Variants in AKT3 observed in about 807,000 individuals in gnomAD.
AKT3 encodes the protein RAC-gamma serine/threonine-protein kinase.
AKT3 carries 15 observed loss-of-function variants against 65.3 expected under a neutral mutation model. The observed-to-expected ratio is 0.23, with a 90% CI of 0.15 to 0.35. The LOEUF is 0.35. Among genes scored for constraint, AKT3 ranks in the 10% least tolerant of loss-of-function variants. The pLI is 1.00. For missense variants in AKT3, 243 were observed against 576.5 expected (o/e 0.42, Z 5.92); for synonymous variants, 206 against 183.8 (o/e 1.12, Z -0.98).
rs75488462 is a variant in AKT3 at position 243,691,439 on chromosome 1, G to A, written c.172+4152C>T. On this transcript the variant is annotated intron_variant, in intron 3 of 13. Coordinates refer to ENST00000673466, the MANE Select transcript of AKT3 (RefSeq NM_005465.7). The stretch of plus-strand genomic sequence containing the variant: ...TTTTAGAAAGACCACTTTGATACCC[G>A]CGTGAAGAAAGAGTATGAGTGGTAC... 5.3e-3 allele frequency among the ~76,000 whole-genome samples: 804 copies of A among 152,270 alleles called. 9 individuals are homozygous for A. Among genetic ancestry groups the A allele is most frequent in the African/African-American group, 0.018 (736 of 41,546 alleles).
At chr1:243,605,159 T>C (rs569896705) in intron 8 of AKT3, among the ~76,000 whole-genome samples, 1 of 152,134 alleles carries the variant, frequency 6.6e-6, no homozygotes, top group East Asian at 1.9e-4. Flanking sequence ...CTGATTAATT[T>C]ACTAGGACTA....
rs1022694795 is a variant in AKT3, at chr1:243,815,714, G to A, written c.46+27411C>T. ...CCAGGCTCAAGAACTTAGAGATAGC[G>A]ATCCTCCCACCTCAGTCTCCCAAGT... On this transcript the variant is annotated intron_variant, in intron 2 of 13. Coordinates refer to ENST00000673466, the MANE Select transcript of AKT3 (RefSeq NM_005465.7). 2.7e-5 allele frequency among the ~76,000 whole-genome samples: 4 copies of A among 150,390 alleles called. No homozygotes were observed. In the East Asian group the frequency reaches 5.9e-4, roughly 22 times the overall value.
chr1:243,596,998 T>C (rs554988697), intron 8 of AKT3, among the ~76,000 whole-genome samples: 2 of 152,168 alleles, frequency 1.3e-5, no homozygotes, highest in South Asian at 2.1e-4. Flanking sequence ...ATGAATCAAA[T>C]CTTTAGTGTC....
intron 2 of AKT3, among the ~76,000 whole-genome samples, chr1:243,838,084 G>T (rs1427445386): frequency 1.3e-5 from 2 of 152,140 alleles, no homozygotes; most frequent in African/African-American, 4.8e-5. Context: ...AAGTGTGTGT[G>T]TAACAGCAAC....
At chr1:243,622,508 G>C (rs1487983168) in intron 6 of AKT3, among the ~76,000 whole-genome samples, 1 of 152,146 alleles carries the variant, frequency 6.6e-6, no homozygotes, top group Non-Finnish European at 1.5e-5. Flanking sequence ...GAGTTTGTCA[G>C]TTTTATTCGT....
At chr1:243,775,338 G>A (rs920097913) in intron 2 of AKT3, among the ~76,000 whole-genome samples, 2 of 151,976 alleles carry the variant, frequency 1.3e-5, no homozygotes, top group East Asian at 1.9e-4. Flanking sequence ...CTGCCACCAC[G>A]CCCAGCTAAT....
intron 6 of AKT3, among the ~76,000 whole-genome samples, chr1:243,617,917 T>C (rs1278333972): frequency 6.6e-6 from 1 of 152,112 alleles, no homozygotes; most frequent in Non-Finnish European, 1.5e-5. Context: ...GACATTTTAA[T>C]AGGCAGTTCA....
At chr1:243,641,248 A>G (rs1210095708) in intron 5 of AKT3, among the ~76,000 whole-genome samples, 3 of 89,992 alleles carry the variant, frequency 3.3e-5, no homozygotes, top group African/African-American at 7.7e-5. Context: ...CTCCATATAT[A>G]TGTGTGTGTG....
At chr1:243,660,213 G>C (rs955550384) in intron 4 of AKT3, among the ~76,000 whole-genome samples, 1 of 151,984 alleles carries the variant, frequency 6.6e-6, no homozygotes, top group African/African-American at 2.4e-5. Flanking sequence ...TCTTGGGAGA[G>C]TGTATGTGTC....
chr1:243,793,075 C>A (rs1450689343), intron 2 of AKT3: 1 of 152,206 alleles, frequency 6.6e-6, no homozygotes, highest in Middle Eastern at 3.2e-3. Context: ...GCAGCACTTA[C>A]AATGTCACAC....
At chr1:243,753,986 T>C (rs1166900655) in intron 2 of AKT3, among the ~76,000 whole-genome samples, 1 of 152,214 alleles carries the variant, frequency 6.6e-6, no homozygotes, top group African/African-American at 2.4e-5. Flanking sequence ...TTTCATATAC[T>C]GGTCTTATTC....
In AKT3 at chr1:243,500,981, T is replaced by C. The variant is rs1669239850; in HGVS notation, c.*4268A>G. 1 of 228,272 alleles carries C rather than the reference T, an allele frequency of 4.4e-6. No homozygotes were observed. The highest frequency in any genetic ancestry group is 8.7e-6 in the Non-Finnish European group (1 of 115,088). 14.1% of individuals were successfully genotyped at this position (228,272 alleles called of 1,614,324 possible). On this transcript the variant is annotated 3_prime_UTR_variant, in exon 14 of 14. Coordinates refer to ENST00000673466, the MANE Select transcript of AKT3 (RefSeq NM_005465.7). The stretch of plus-strand genomic sequence containing the variant: ...AATAAATTATACAATATTCTAAAAA[T>C]AGCACCTTTAAAGAATTATAGAGGT...
chr1:243,544,753 G>A lies in AKT3; in HGVS notation c.1251+757C>T, dbSNP rs186178271. Among the ~76,000 whole-genome samples the A allele has an allele frequency of 3.5e-3, 532 of 150,610 alleles. 2 individuals are homozygous for A. The highest frequency in any genetic ancestry group is 6.0e-3 in the Admixed American group (91 of 15,116). On this transcript the variant is annotated intron_variant, in intron 12 of 13. Transcript: ENST00000673466. ...GGGTCTCACTCTGTCATCCAGGCTG[G>A]AGTACAGTGGTGTAATCACAGCTCA...
chr1:243,521,229 T>C (rs1287309800), intron 12 of AKT3, among the ~76,000 whole-genome samples: 3 of 152,222 alleles, frequency 2.0e-5, no homozygotes, highest in Non-Finnish European at 4.4e-5. Flanking sequence ...TGTTGGCATA[T>C]AGGGTCCAAA....
intron 12 of AKT3, among the ~76,000 whole-genome samples, chr1:243,542,270 T>A (rs976319187): frequency 6.6e-6 from 1 of 152,242 alleles, no homozygotes; most frequent in African/African-American, 2.4e-5. Flanking sequence ...TAAAGGATCA[T>A]ATCTTTTGCA....
At chr1:243,499,710 T>G, downstream of AKT3, 1 of 1,441,970 alleles carries the variant, frequency 6.9e-7, no homozygotes. Context: ...CAAATAACAT[T>G]GAAGAACATG....
At chr1:243,733,687 G>A (rs1687682752) in intron 2 of AKT3, among the ~76,000 whole-genome samples, 1 of 152,084 alleles carries the variant, frequency 6.6e-6, no homozygotes, top group Non-Finnish European at 1.5e-5. Context: ...ATGAAATTCT[G>A]GTTTCCCAGC....
At chr1:243,809,995 A>G (rs1195152774) in intron 2 of AKT3, among the ~76,000 whole-genome samples, 1 of 152,236 alleles carries the variant, frequency 6.6e-6, no homozygotes, top group Non-Finnish European at 1.5e-5. Flanking sequence ...GAGAACAAAG[A>G]CACAACATAC....
chr1:243,745,641 T>C (rs113259803), intron 2 of AKT3, among the ~76,000 whole-genome samples: 9 of 152,174 alleles, frequency 5.9e-5, no homozygotes, highest in Non-Finnish European at 1.0e-4. Flanking sequence ...CAGAACAGCT[T>C]TGAATGCGCC....
Sources: gnomAD v4.1 joint callset for allele counts (sites outside exome capture counted in the v4.1 genomes callset) on GRCh38, gnomAD v4.1.1 for gene constraint, MANE v1.5 for transcripts, NCBI Gene and HGNC (gene_info 2026-07-23, HGNC 2026-07-21) for gene names.